The following CNTNAP5 variants were observed in gnomAD, a reference collection of about 807,000 sequenced individuals.
CNTNAP5 encodes the protein contactin-associated protein-like 5.
In CNTNAP5, 72 loss-of-function variants were observed where a neutral mutation model predicts 150.2. The observed-to-expected ratio is 0.48, with a 90% CI of 0.40 to 0.58. The LOEUF is 0.58. Among genes scored for constraint, CNTNAP5 ranks in the 20% least tolerant of loss-of-function variants. The pLI is 0.00. For synonymous variants in CNTNAP5, 672 were observed against 619.8 expected (o/e 1.08, Z -1.25); for missense variants, 1,636 against 1,626.2 (o/e 1.01, Z -0.10).
At chr2:124,373,934 ATATGT>A (rs1690588111) in intron 3 of CNTNAP5, among the ~76,000 whole-genome samples, 1 of 152,038 alleles carries the variant, frequency 6.6e-6, no homozygotes, top group Non-Finnish European at 1.5e-5. Flanking sequence ...TCATTTTATG[ATATGT>A]TAAGTGAAGA....
intron 5 of CNTNAP5, among the ~76,000 whole-genome samples, chr2:124,436,965 C>T (rs1269877483): frequency 6.6e-6 from 1 of 152,098 alleles, no homozygotes; most frequent in Non-Finnish European, 1.5e-5. Context: ...TTCTAGGTTC[C>T]TCTTCTAGAG....
At chr2:124,607,846 G>A (rs1677287523) in intron 11 of CNTNAP5, among the ~76,000 whole-genome samples, 1 of 152,168 alleles carries the variant, frequency 6.6e-6, no homozygotes, top group Non-Finnish European at 1.5e-5. Flanking sequence ...TTTCACCTTT[G>A]TGACAAACAC....
chr2:124,446,041 C>G (rs772158149), intron 5 of CNTNAP5, among the ~76,000 whole-genome samples: 15 of 152,036 alleles, frequency 9.9e-5, no homozygotes, highest in Admixed American at 6.6e-5. Flanking sequence ...GTCTTCCAAA[C>G]TCAACAGAGG....
At chr2:124,879,869 TA>T (rs1340889910) in intron 21 of CNTNAP5, among the ~76,000 whole-genome samples, 5 of 151,990 alleles carry the variant, frequency 3.3e-5, no homozygotes, top group Non-Finnish European at 5.9e-5. Flanking sequence ...GGTAATGAAG[TA>T]AAAAGGATCC....
intron 3 of CNTNAP5, among the ~76,000 whole-genome samples, chr2:124,388,463 A>G (rs918598608): frequency 2.0e-5 from 3 of 152,188 alleles, no homozygotes; most frequent in Admixed American, 2.0e-4. Flanking sequence ...ATTTAGCAAA[A>G]GCCTTGGCTT....
At chr2:124,756,350 A>T (rs751356326) in intron 14 of CNTNAP5, among the ~76,000 whole-genome samples, 49 of 152,320 alleles carry the variant, frequency 3.2e-4, no homozygotes, top group Non-Finnish European at 1.3e-4. Flanking sequence ...TTTTGAACAC[A>T]GTGTGGCGAT....
intron 21 of CNTNAP5, among the ~76,000 whole-genome samples, chr2:124,890,796 A>T (rs1040329378): frequency 1.5e-4 from 23 of 152,096 alleles, no homozygotes; most frequent in African/African-American, 4.6e-4. Flanking sequence ...TCAAAGTAAA[A>T]TGCTAGCTGA....
intron 13 of CNTNAP5, among the ~76,000 whole-genome samples, chr2:124,706,252 A>G (rs1679635284): frequency 6.6e-6 from 1 of 152,034 alleles, no homozygotes; most frequent in Non-Finnish European, 1.5e-5. Context: ...AAGAAAAAAA[A>G]AGACAGAATT....
intron 13 of CNTNAP5, among the ~76,000 whole-genome samples, chr2:124,713,253 CTTTCTTTCTTTCT>C (rs1679854074): frequency 1.0e-5 from 1 of 97,382 alleles, no homozygotes; most frequent in Non-Finnish European, 2.2e-5. Flanking sequence ...CTCTTTCTTT[CTTTCTTTCTTTCT>C]TTCTTTCTTT....
chr2:124,139,123 T>C (rs1429971269), intron 1 of CNTNAP5, among the ~76,000 whole-genome samples: 1 of 152,100 alleles, frequency 6.6e-6, no homozygotes, highest in Non-Finnish European at 1.5e-5. Context: ...TGGAGTTTTT[T>C]TTTCCCCCAT....
chr2:124,462,843 A>C (rs953154329), intron 6 of CNTNAP5, among the ~76,000 whole-genome samples: 2 of 152,216 alleles, frequency 1.3e-5, no homozygotes, highest in Admixed American at 1.3e-4. Flanking sequence ...TGACAGATAG[A>C]CATCCATTCA....
chr2:124,787,069 A>C (rs887072362), intron 17 of CNTNAP5, among the ~76,000 whole-genome samples: 1 of 150,624 alleles, frequency 6.6e-6, no homozygotes, highest in South Asian at 2.1e-4. Flanking sequence ...TGCCCGAGAA[A>C]CCACCAACCC....
intron 2 of CNTNAP5, among the ~76,000 whole-genome samples, chr2:124,224,295 T>G (rs903994771): frequency 2.0e-5 from 3 of 152,128 alleles, no homozygotes; most frequent in African/African-American, 7.2e-5. Context: ...GACACACAGT[T>G]GGCACAAATA....
intron 3 of CNTNAP5, among the ~76,000 whole-genome samples, chr2:124,316,804 C>CAAAAAAAAAAAAAAAAAAAAAAAAAA (rs56812690): frequency 1.8e-4 from 10 of 54,772 alleles, no homozygotes; most frequent in African/African-American, 4.1e-4. Context: ...GACTCCATCT[C>CAAAAAAAAAAAAAAAAAAAAAAAAAA]AAAAAAAAAA....
In CNTNAP5 at chr2:124,874,098, T is replaced by C. The variant is rs185625682; in HGVS notation, c.3436+4336T>C. On this transcript the variant is annotated intron_variant, in intron 21 of 23. Coordinates refer to ENST00000682447, the MANE Select transcript of CNTNAP5 (RefSeq NM_001367498.1). ...ATACTGGCCCATGAAAAATAGCAGA[T>C]TTAATTGTGTACATTAAAACTTCAC... Among the ~76,000 whole-genome samples, 553 of 152,166 alleles carry C rather than the reference T, an allele frequency of 3.6e-3. 2 individuals are homozygous for C. Among genetic ancestry groups the C allele is most frequent in the Non-Finnish European group, 6.5e-3 (442 of 67,978 alleles).
At chr2:124,569,415 C>T (rs990836175) in intron 11 of CNTNAP5, among the ~76,000 whole-genome samples, 8 of 149,730 alleles carry the variant, frequency 5.3e-5, no homozygotes, top group Admixed American at 5.3e-4. Context: ...AGATTGCTTC[C>T]ACAATCTTTT....
chr2:124,291,081 T>C (rs1688278300), intron 3 of CNTNAP5, among the ~76,000 whole-genome samples: 1 of 152,070 alleles, frequency 6.6e-6, no homozygotes, highest in Non-Finnish European at 1.5e-5. Context: ...AATGTGATAA[T>C]CTTGTATTTA....
chr2:124,632,694 A>G (rs1469622285), intron 12 of CNTNAP5, among the ~76,000 whole-genome samples: 1 of 143,040 alleles, frequency 7.0e-6, no homozygotes, highest in African/African-American at 2.5e-5. Context: ...CTGCACATGT[A>G]CCCTGTAACT....
Position 124,747,216 on chromosome 2 carries a change from T to C in CNTNAP5, c.2078-13T>C. The C allele has an allele frequency of 6.2e-7, 1 of 1,610,056 alleles. No homozygotes were observed. The highest frequency in any genetic ancestry group is 1.3e-5 in the African/African-American group (1 of 74,966). On this transcript the variant is annotated splice_polypyrimidine_tract_variant and intron_variant, in intron 13 of 23. Coordinates refer to ENST00000682447, the MANE Select transcript of CNTNAP5 (RefSeq NM_001367498.1). Reference sequence around the variant, plus strand: ...TTGCCCTACCCTGACTGGTGGAATATCTTGTCTTCCAGATGGAACACCATT... The same window carrying C: ...TTGCCCTACCCTGACTGGTGGAATACCTTGTCTTCCAGATGGAACACCATT...
Sources: allele counts gnomAD v4.1 joint callset (sites outside exome capture counted in the v4.1 genomes callset), GRCh38; gene constraint gnomAD v4.1.1; transcripts MANE v1.5; gene names NCBI Gene and HGNC (gene_info 2026-07-23, HGNC 2026-07-21).